FBXL7: variants seen among roughly 807,000 people sequenced by gnomAD.
The protein encoded by FBXL7 is F-box/LRR-repeat protein 7.
In FBXL7, 12 loss-of-function variants were observed where a neutral mutation model predicts 38.3. The ratio of observed to expected loss-of-function variants is 0.31; its 90% CI spans 0.20 to 0.51. The LOEUF is 0.51. Ranked by LOEUF, FBXL7 falls within the 20% of genes least tolerant of loss-of-function variation. FBXL7 has a pLI of 0.98. For missense variants in FBXL7, 567 were observed against 676.4 expected, an observed-to-expected ratio of 0.84 and a Z score of 1.79; for synonymous variants, 297 against 300.9, an observed-to-expected ratio of 0.99 and a Z score of 0.13.
At chr5:15,926,354 A>G (rs1396841787) in intron 2 of FBXL7, among the ~76,000 whole-genome samples, 1 of 148,088 alleles carries the variant, frequency 6.8e-6, no homozygotes, top group Non-Finnish European at 1.5e-5. Context: ...TATATTATTT[A>G]TATAATATAT....
At chr5:15,766,906 T>A (rs6870946) in intron 2 of FBXL7, among the ~76,000 whole-genome samples, 18,240 of 152,228 alleles carry the variant, frequency 0.12, 1,138 homozygotes, top group South Asian at 0.16. Flanking sequence ...GAATACAGTT[T>A]TTTACTCTAA....
chr5:15,763,232 T>G (rs1014802016), intron 2 of FBXL7, among the ~76,000 whole-genome samples: 1 of 152,204 alleles, frequency 6.6e-6, no homozygotes, highest in Admixed American at 6.5e-5. Flanking sequence ...AGTGCTTAAC[T>G]AAAAGCATGT....
chr5:15,830,249 C>G (rs1274297868), intron 2 of FBXL7, among the ~76,000 whole-genome samples: 1 of 152,032 alleles, frequency 6.6e-6, no homozygotes, highest in African/African-American at 2.4e-5. Flanking sequence ...TTTGGGAGGC[C>G]AAGGCGGGCA....
intron 2 of FBXL7, among the ~76,000 whole-genome samples, chr5:15,662,685 C>A (rs1027391216): frequency 6.6e-6 from 1 of 151,996 alleles, no homozygotes; most frequent in Non-Finnish European, 1.5e-5. Context: ...TATATGGTGT[C>A]CAGGAGGAGA....
intron 2 of FBXL7, among the ~76,000 whole-genome samples, chr5:15,824,396 C>A (rs1738253602): frequency 6.6e-6 from 1 of 151,608 alleles, no homozygotes; most frequent in South Asian, 2.1e-4. Flanking sequence ...GGCTTATTTT[C>A]TCAGGTGTAC....
Position 15,773,066 on chromosome 5 carries a change from T to A in FBXL7, c.128-154824T>A, listed in dbSNP as rs560960504. Among the ~76,000 whole-genome samples, 9 of 152,196 alleles carry A rather than the reference T, an allele frequency of 5.9e-5. No individual in the cohort carries two copies. In the South Asian group the frequency reaches 8.3e-4, roughly 14 times the overall value. On this transcript the variant is annotated intron_variant, in intron 2 of 3. Coordinates refer to ENST00000504595, the MANE Select transcript of FBXL7 (RefSeq NM_012304.5). Reference sequence around the variant, plus strand: ...CACATCACACCTGGCTAATTTTTTTTAAAAGCTTTTGTAGAGGCAAGGTCT... The same window carrying A: ...CACATCACACCTGGCTAATTTTTTTAAAAAGCTTTTGTAGAGGCAAGGTCT...
intron 3 of FBXL7, among the ~76,000 whole-genome samples, chr5:15,929,625 GAAAAA>G (rs60269538): frequency 0.017 from 1,982 of 113,526 alleles, 41 homozygotes; most frequent in African/African-American, 0.053. Context: ...CCCTGTCTCT[GAAAAA>G]AAAAAAAAAA....
intron 2 of FBXL7, among the ~76,000 whole-genome samples, chr5:15,859,505 T>C (rs975843379): frequency 5.3e-5 from 8 of 152,186 alleles, no homozygotes; most frequent in Non-Finnish European, 7.3e-5. Flanking sequence ...GAAAGGGTTT[T>C]AATTGACTCA....
At chr5:15,514,851 G>A (rs1736892704) in intron 1 of FBXL7, among the ~76,000 whole-genome samples, 1 of 152,168 alleles carries the variant, frequency 6.6e-6, no homozygotes, top group Admixed American at 6.5e-5. Flanking sequence ...GCCACATGCA[G>A]TGACTAGTTT....
chr5:15,895,536 C>T (rs1197276543), intron 2 of FBXL7, among the ~76,000 whole-genome samples: 1 of 149,990 alleles, frequency 6.7e-6, no homozygotes, highest in African/African-American at 2.4e-5. Flanking sequence ...GTGAATATTT[C>T]ATTTGCAAAC....
At chr5:15,637,531 G>C (rs1471194357) in intron 2 of FBXL7, among the ~76,000 whole-genome samples, 2 of 152,228 alleles carry the variant, frequency 1.3e-5, no homozygotes, top group Non-Finnish European at 2.9e-5. Context: ...ACTGTCTTCA[G>C]TTCTTTCAAT....
chr5:15,517,374 C>T (rs1461763436), intron 1 of FBXL7, among the ~76,000 whole-genome samples: 2 of 152,186 alleles, frequency 1.3e-5, no homozygotes, highest in East Asian at 1.9e-4. Context: ...CAGTGAAAGA[C>T]GCCAGCCTGG....
At chr5:15,552,143 T>A (rs1738093418) in intron 1 of FBXL7, among the ~76,000 whole-genome samples, 1 of 152,258 alleles carries the variant, frequency 6.6e-6, no homozygotes. Flanking sequence ...TATACTACAC[T>A]ATGCTATACA....
chr5:15,788,980 A>T (rs570405188), intron 2 of FBXL7, among the ~76,000 whole-genome samples: 2 of 151,516 alleles, frequency 1.3e-5, no homozygotes, highest in South Asian at 4.2e-4. Flanking sequence ...CCTCCAGAGT[A>T]TCTGGGACTA....
At chr5:15,766,039 T>TCTGTCTACCTACCTACCTAC (rs750041644) in intron 2 of FBXL7, among the ~76,000 whole-genome samples, 11 of 114,960 alleles carry the variant, frequency 9.6e-5, no homozygotes, top group Admixed American at 8.2e-4. Flanking sequence ...TGTCTGTCTG[T>TCTGTCTACCTACCTACCTAC]CTATCTACCT....
chr5:15,798,154 A>G (rs1207808037), intron 2 of FBXL7, among the ~76,000 whole-genome samples: 1 of 152,116 alleles, frequency 6.6e-6, no homozygotes, highest in African/African-American at 2.4e-5. Flanking sequence ...TCAGTCTGCT[A>G]TTGTTCTTCA....
chr5:15,903,258 C>G (rs1017221465), intron 2 of FBXL7, among the ~76,000 whole-genome samples: 2 of 152,166 alleles, frequency 1.3e-5, no homozygotes, highest in African/African-American at 4.8e-5. Flanking sequence ...ATAAATCCTG[C>G]CTACCTGGAG....
chr5:15,915,992 A>T (rs1034473318), intron 2 of FBXL7, among the ~76,000 whole-genome samples: 1 of 152,194 alleles, frequency 6.6e-6, no homozygotes, highest in Non-Finnish European at 1.5e-5. Context: ...CTAGGGTTCT[A>T]TCCTGGGAGG....
At chr5:15,631,257 ATATATGTTGAATTATATG>A (rs1353203475) in intron 2 of FBXL7, among the ~76,000 whole-genome samples, 4 of 152,234 alleles carry the variant, frequency 2.6e-5, no homozygotes, top group African/African-American at 7.2e-5. Flanking sequence ...GTATGACATT[ATATATGTTGAATTATATG>A]TATATGTTGA....
Sources: gnomAD v4.1 joint callset for allele counts (sites outside exome capture counted in the v4.1 genomes callset) on GRCh38, gnomAD v4.1.1 for gene constraint, MANE v1.5 for transcripts, NCBI Gene and HGNC (gene_info 2026-07-23, HGNC 2026-07-21) for gene names.